Variants in PPP1R9A observed in about 807,000 individuals in gnomAD.
The protein encoded by PPP1R9A is protein phosphatase 1 regulatory subunit 9A, also known as neurabin-1.
A neutral mutation model predicts 141.9 loss-of-function variants in PPP1R9A; 59 were observed. The ratio of observed to expected loss-of-function variants is 0.42; its 90% CI spans 0.34 to 0.52. PPP1R9A has a LOEUF of 0.52. PPP1R9A is among the 20% of genes least tolerant of loss of function. The probability of loss-of-function intolerance (pLI) is 0.10; values close to 1 mark genes in which losing one functional copy is unlikely to be tolerated. For synonymous variants in PPP1R9A, 500 were observed against 569.7 expected, an observed-to-expected ratio of 0.88 and a Z score of 1.74; for missense variants, 1,444 against 1,611.9, an observed-to-expected ratio of 0.90 and a Z score of 1.78.
intron 4 of PPP1R9A, among the ~76,000 whole-genome samples, chr7:95,142,565 CT>C (rs1282482145): frequency 6.6e-6 from 1 of 152,008 alleles, no homozygotes; most frequent in African/African-American, 2.4e-5. Flanking sequence ...TAGCTTCATT[CT>C]TTTCCATATG....
intron 14 of PPP1R9A, among the ~76,000 whole-genome samples, chr7:95,270,564 A>G (rs1259180455): frequency 1.3e-5 from 2 of 152,172 alleles, no homozygotes; most frequent in African/African-American, 4.8e-5. Flanking sequence ...AGAGGAAGTA[A>G]AAGATTTTTT....
chr7:94,995,725 C>T (rs1181649439), intron 2 of PPP1R9A, among the ~76,000 whole-genome samples: 1 of 151,768 alleles, frequency 6.6e-6, no homozygotes, highest in Non-Finnish European at 1.5e-5. Flanking sequence ...GTTTTATGTC[C>T]ATATTTACCA....
At position 95,095,137 on chromosome 7, in the gene PPP1R9A, C is replaced by G. The variant is rs530622144; in HGVS notation, c.1396-16122C>G. ...TAACTGGTCCAGAAGTATGAACTGTCTATACAGAATCAGGAACCCAGGTAG... is the reference window on the plus strand; with the variant it reads ...TAACTGGTCCAGAAGTATGAACTGTGTATACAGAATCAGGAACCCAGGTAG... On this transcript the variant is annotated intron_variant, in intron 2 of 19. Coordinates refer to ENST00000433360, the MANE Select transcript of PPP1R9A (RefSeq NM_001166160.2). 4.6e-5 allele frequency among the ~76,000 whole-genome samples: 7 copies of G among 152,248 alleles called. No individual in the cohort carries two copies. In the East Asian group the frequency reaches 1.4e-3, roughly 29 times the overall value.
intron 16 of PPP1R9A, among the ~76,000 whole-genome samples, chr7:95,277,701 A>G (rs9886047): frequency 0.12 from 17,583 of 152,276 alleles, 1,363 homozygotes; most frequent in African/African-American, 0.21. Context: ...TGCTGGGATT[A>G]TAGGCACAAG....
intron 7 of PPP1R9A, among the ~76,000 whole-genome samples, chr7:95,221,643 A>G (rs1051654886): frequency 6.6e-6 from 1 of 152,104 alleles, no homozygotes; most frequent in Non-Finnish European, 1.5e-5. Flanking sequence ...TGTATCTATG[A>G]AAACTAAATA....
rs759569522 is a variant in PPP1R9A, at chr7:94,910,907, G to A, written c.794G>A (p.Gly265Asp). 7.3e-5 allele frequency: 118 copies of A among 1,613,912 alleles called. No homozygotes were observed. The highest frequency in any genetic ancestry group is 9.8e-5 in the Non-Finnish European group (116 of 1,180,010). Residue 265 changes from glycine to aspartate, a missense_variant, in exon 2 of 20, where the codon GGT becomes GAT. This residue lies in a region of PPP1R9A where 490 missense variants were observed against 521.1 expected (regional missense o/e 0.94). Coordinates refer to ENST00000433360, the MANE Select transcript of PPP1R9A (RefSeq NM_001166160.2). The surrounding 1 kb of genome is among the most constrained non-coding windows in gnomAD (Gnocchi z 4.5). Reference protein sequence around the residue: ...SNSWPPSNKRGVDTEDAHKSN... With the variant: ...SNSWPPSNKRDVDTEDAHKSN... ...TCCTGGCCTCCTTCAAACAAGCGAG[G>A]TGTTGATACAGAGGATGCTCACAAG...
At position 95,290,808 on chromosome 7, in the gene PPP1R9A, C is replaced by T. The variant is rs1323287854; in HGVS notation, c.*505C>T. 1 of 158,720 alleles carries T rather than the reference C, an allele frequency of 6.3e-6. No individual in the cohort carries two copies. Among genetic ancestry groups the T allele is most frequent in the Non-Finnish European group, 1.4e-5 (1 of 71,730 alleles). The allele number at this position is 158,720 out of a possible 1,614,324, so 9.8% of individuals were successfully genotyped here. On this transcript the variant is annotated 3_prime_UTR_variant, in exon 20 of 20. Coordinates refer to ENST00000433360, the MANE Select transcript of PPP1R9A (RefSeq NM_001166160.2). ...CTCCAATGTGTGGGAAAGATTTGCT[C>T]TTAATTCTCAGTCTGGACAGTGAGA...
intron 5 of PPP1R9A, among the ~76,000 whole-genome samples, chr7:95,174,542 A>C (rs1450226986): frequency 6.6e-6 from 1 of 152,166 alleles, no homozygotes; most frequent in Non-Finnish European, 1.5e-5. Flanking sequence ...ACTGAATTTT[A>C]AAATGTGAGA....
At chr7:95,081,915 A>T (rs1292478991) in intron 2 of PPP1R9A, among the ~76,000 whole-genome samples, 1 of 152,192 alleles carries the variant, frequency 6.6e-6, no homozygotes, top group African/African-American at 2.4e-5. Flanking sequence ...CAGTGCCATG[A>T]TAGCCTTGAA....
At chr7:95,225,455 A>G (rs1380108983) in intron 7 of PPP1R9A, among the ~76,000 whole-genome samples, 1 of 152,170 alleles carries the variant, frequency 6.6e-6, no homozygotes, top group Non-Finnish European at 1.5e-5. Context: ...GTTCACCACA[A>G]TAATTAACAA....
At chr7:95,226,143 C>G in intron 8 of PPP1R9A, 27 bp downstream of exon 8, 1 of 1,590,348 alleles carries the variant, frequency 6.3e-7, no homozygotes, top group Non-Finnish European at 8.6e-7. Context: ...CAAAATATTT[C>G]TTTATGCCTG....
intron 4 of PPP1R9A, among the ~76,000 whole-genome samples, chr7:95,134,553 C>T (rs1372972714): frequency 6.6e-6 from 1 of 152,168 alleles, no homozygotes; most frequent in Admixed American, 6.5e-5. Context: ...TCTCCTGTCT[C>T]AGCCTCCTGA....
chr7:94,953,014 A>C (rs1796652124), intron 2 of PPP1R9A, among the ~76,000 whole-genome samples: 1 of 152,074 alleles, frequency 6.6e-6, no homozygotes, highest in Non-Finnish European at 1.5e-5. Context: ...TTGGTGTTTT[A>C]GCCATGAAGT....
At chr7:95,014,866 C>G (rs1027330105) in intron 2 of PPP1R9A, among the ~76,000 whole-genome samples, 3 of 152,000 alleles carry the variant, frequency 2.0e-5, no homozygotes, top group African/African-American at 7.2e-5. Context: ...GGATTCTTAT[C>G]TTAATCTATG....
intron 2 of PPP1R9A, among the ~76,000 whole-genome samples, chr7:94,972,872 A>T (rs1563066768): frequency 6.6e-6 from 1 of 152,132 alleles, no homozygotes; most frequent in East Asian, 1.9e-4. Context: ...GAGTTAGAGG[A>T]TCTTGTCAAA....
At chr7:95,024,019 T>A (rs1358334071) in intron 2 of PPP1R9A, among the ~76,000 whole-genome samples, 1 of 152,244 alleles carries the variant, frequency 6.6e-6, no homozygotes, top group East Asian at 1.9e-4. Context: ...AGAAATGTTT[T>A]CTGCCCTAAT....
chr7:95,115,916 C>CAAAAAAAA (rs746135056), intron 3 of PPP1R9A, among the ~76,000 whole-genome samples: 3 of 60,222 alleles, frequency 5.0e-5, no homozygotes, highest in Non-Finnish European at 1.1e-4. Context: ...GACTCTGTCT[C>CAAAAAAAA]AAAAAAAAAA....
rs1489884191 is a variant in PPP1R9A at position 95,291,701 on chromosome 7, A to G, written c.*1398A>G. 1 of 152,198 alleles carries G rather than the reference A, an allele frequency of 6.6e-6. No homozygotes were observed. Among genetic ancestry groups the G allele is most frequent in the African/African-American group, 2.4e-5 (1 of 41,458 alleles). The allele number at this position is 152,198 out of a possible 1,614,324, so 9.4% of individuals were successfully genotyped here. ...CTGCGTTGACTCTAAAAATGAGGTT[A>G]TCCACTTTCCAAAGGACAAGTTTCA... On this transcript the variant is annotated 3_prime_UTR_variant, in exon 20 of 20. Transcript: ENST00000433360.
chr7:95,078,552 CCA>C (rs1360661859), intron 2 of PPP1R9A, among the ~76,000 whole-genome samples: 1 of 152,128 alleles, frequency 6.6e-6, no homozygotes, highest in African/African-American at 2.4e-5. Flanking sequence ...TGAGGAATCG[CCA>C]CACTGACTTC....
Sources: allele counts gnomAD v4.1 joint callset (sites outside exome capture counted in the v4.1 genomes callset), GRCh38; gene constraint gnomAD v4.1.1; regional missense constraint gnomAD v4.1.1; non-coding constraint Gnocchi (gnomAD v3.1); transcripts MANE v1.5; gene names NCBI Gene and HGNC (gene_info 2026-07-23, HGNC 2026-07-21).